PRKCH: variants seen among roughly 807,000 people sequenced by gnomAD.
PRKCH encodes the protein protein kinase C eta, also known as protein kinase C eta type.
A neutral mutation model predicts 82.5 loss-of-function variants in PRKCH; 28 were observed. The observed-to-expected ratio is 0.34, with a 90% CI of 0.25 to 0.47. PRKCH has a LOEUF of 0.47. Among genes scored for constraint, PRKCH ranks in the 20% least tolerant of loss-of-function variants. The pLI, the probability that PRKCH is intolerant of heterozygous loss-of-function variation, is 1.00. For synonymous variants in PRKCH, 322 were observed against 327.4 expected (o/e 0.98, Z 0.18); for missense variants, 705 against 881.8 (o/e 0.80, Z 2.54).
chr14:61,523,323 A>G (rs537477341), intron 10 of PRKCH, among the ~76,000 whole-genome samples: 16 of 152,326 alleles, frequency 1.1e-4, no homozygotes, highest in African/African-American at 3.6e-4. Flanking sequence ...ACATCCCTCT[A>G]TCATAGTGCC....
chr14:61,490,260 C>A (rs1363371042), intron 10 of PRKCH, among the ~76,000 whole-genome samples: 11 of 152,340 alleles, frequency 7.2e-5, no homozygotes, highest in African/African-American at 2.6e-4. Flanking sequence ...CCGCCTTTTA[C>A]TCCCATGATT....
chr14:61,195,533 A>G (rs1255225730), intron 1 of PRKCH, among the ~76,000 whole-genome samples: 2 of 152,216 alleles, frequency 1.3e-5, no homozygotes, highest in African/African-American at 4.8e-5. Flanking sequence ...ACTATTGGAG[A>G]AGACAGATGA....
chr14:61,443,348 A>G, intron 3 of PRKCH, 87 bp downstream of exon 3: 1 of 1,298,460 alleles, frequency 7.7e-7, no homozygotes, highest in South Asian at 2.0e-5. Flanking sequence ...AGAATGCATG[A>G]TTATTTAAGA....
chr14:61,349,437 A>G (rs6573381), intron 1 of PRKCH, among the ~76,000 whole-genome samples: 17,600 of 152,200 alleles, frequency 0.12, 1,357 homozygotes, highest in African/African-American at 0.21. Flanking sequence ...GGAACATACA[A>G]CCAATAAAAG....
intron 1 of PRKCH, among the ~76,000 whole-genome samples, chr14:61,285,824 A>G (rs1315424992): frequency 1.3e-5 from 2 of 152,130 alleles, no homozygotes; most frequent in African/African-American, 2.4e-5. Context: ...GCTACACTGT[A>G]AGGCCTTGGC....
At chr14:61,453,137 A>C in intron 6 of PRKCH, 89 bp from the exon 7 acceptor site, 2 of 1,503,462 alleles carry the variant, frequency 1.3e-6, no homozygotes, top group South Asian at 2.3e-5. Flanking sequence ...CCTCTGTTAT[A>C]ATCTTTTAGG....
At chr14:61,370,350 A>G (rs372071853) in intron 1 of PRKCH, among the ~76,000 whole-genome samples, 1 of 152,128 alleles carries the variant, frequency 6.6e-6, no homozygotes, top group Non-Finnish European at 1.5e-5. Flanking sequence ...CAGTGAAGGC[A>G]AACTACAGTG....
chr14:61,196,271 G>A (rs1372041216), intron 1 of PRKCH, among the ~76,000 whole-genome samples: 2 of 152,206 alleles, frequency 1.3e-5, no homozygotes, highest in African/African-American at 4.8e-5. Flanking sequence ...TGTGGTGATG[G>A]TCAGGAGTAA....
chr14:61,295,519 A>T (rs143965916), intron 1 of PRKCH, among the ~76,000 whole-genome samples: 129 of 152,302 alleles, frequency 8.5e-4, no homozygotes, highest in African/African-American at 3.0e-3. Context: ...TTTAATAAAA[A>T]AATTTTGTTT....
At chr14:61,306,896 G>A (rs2045489090) in intron 1 of PRKCH, 1 of 152,096 alleles carries the variant, frequency 6.6e-6, no homozygotes, top group Non-Finnish European at 1.5e-5. Flanking sequence ...AATAATTAAT[G>A]TGAAATATAC....
At chr14:61,409,473 G>T (rs532358928) in intron 2 of PRKCH, among the ~76,000 whole-genome samples, 12 of 152,066 alleles carry the variant, frequency 7.9e-5, no homozygotes, top group Non-Finnish European at 1.5e-5. Context: ...GAAGCAGGAG[G>T]ATTGCTTGAG....
chr14:61,442,977 G>C (rs886675345), intron 2 of PRKCH, 134 bp from the exon 3 acceptor site: 4 of 826,904 alleles, frequency 4.8e-6, no homozygotes, highest in African/African-American at 3.5e-5. Flanking sequence ...ATGATTTTAG[G>C]GGGGATGGTT....
intron 1 of PRKCH, among the ~76,000 whole-genome samples, chr14:61,190,675 C>T (rs984309983): frequency 6.6e-6 from 1 of 152,152 alleles, no homozygotes; most frequent in Non-Finnish European, 1.5e-5. Context: ...TGTGTTTCCA[C>T]TCTAGGACCA....
chr14:61,395,290 G>GCCCCCCC (rs5809093), intron 2 of PRKCH, among the ~76,000 whole-genome samples: 9 of 124,354 alleles, frequency 7.2e-5, no homozygotes, highest in Admixed American at 2.6e-4. Context: ...AGGAAATGGA[G>GCCCCCCC]CCCCCCCCCG....
chr14:61,438,209 A>C (rs1883771239), intron 2 of PRKCH, among the ~76,000 whole-genome samples: 1 of 152,138 alleles, frequency 6.6e-6, no homozygotes, highest in South Asian at 2.1e-4. Flanking sequence ...CCACAGCCTC[A>C]ACCACCAAAC....
intron 1 of PRKCH, among the ~76,000 whole-genome samples, chr14:61,273,679 A>G (rs1433022249): frequency 3.3e-5 from 5 of 152,242 alleles, no homozygotes; most frequent in African/African-American, 1.2e-4. Flanking sequence ...TCCAGATGGG[A>G]TACGCTGAGC....
intron 9 of PRKCH, among the ~76,000 whole-genome samples, chr14:61,482,908 C>T (rs999088802): frequency 2.6e-5 from 4 of 152,192 alleles, no homozygotes; most frequent in African/African-American, 9.7e-5. Flanking sequence ...TCGATGCCTA[C>T]TGCCTTAAAA....
At chr14:61,483,548 A>T (rs1489418994) in intron 9 of PRKCH, among the ~76,000 whole-genome samples, 1 of 151,528 alleles carries the variant, frequency 6.6e-6, no homozygotes, top group Non-Finnish European at 1.5e-5. Context: ...AATTCAGGGG[A>T]TTTTTTTTTC....
intron 1 of PRKCH, among the ~76,000 whole-genome samples, chr14:61,351,290 A>G (rs897526166): frequency 6.6e-6 from 1 of 152,160 alleles, no homozygotes; most frequent in Non-Finnish European, 1.5e-5. Context: ...GAACATGTTT[A>G]TAAGTCTTCC....
Sources: gnomAD v4.1 joint callset for allele counts (sites outside exome capture counted in the v4.1 genomes callset) on GRCh38, gnomAD v4.1.1 for gene constraint, MANE v1.5 for transcripts, NCBI Gene and HGNC (gene_info 2026-07-23, HGNC 2026-07-21) for gene names.